The following MIR2052HG variants were observed in gnomAD, a reference collection of about 807,000 sequenced individuals.
The protein encoded by MIR2052HG is MIR2052 host gene.
At chr8:74,716,398 A>G (rs1031006595) in intron 4 of MIR2052HG, among the ~76,000 whole-genome samples, 12 of 152,296 alleles carry the variant, frequency 7.9e-5, no homozygotes, top group Middle Eastern at 6.8e-3. Flanking sequence ...GGCCTTTTAT[A>G]GAATATTATT....
chr8:74,600,840 C>T (rs937164605), intron 1 of MIR2052HG, among the ~76,000 whole-genome samples: 2 of 152,086 alleles, frequency 1.3e-5, no homozygotes, highest in African/African-American at 2.4e-5. Context: ...TCCCAAAGTG[C>T]TGGGATTACA....
intron 2 of MIR2052HG, among the ~76,000 whole-genome samples, chr8:74,629,781 G>T (rs1369037376): frequency 2.0e-5 from 3 of 152,028 alleles, no homozygotes; most frequent in Non-Finnish European, 4.4e-5. Context: ...ATATATCAAT[G>T]GTCACTCCTC....
chr8:74,688,508 GAGAAT>G (rs143745715), intron 2 of MIR2052HG, among the ~76,000 whole-genome samples: 35,258 of 151,922 alleles, frequency 0.23, 5,213 homozygotes, highest in East Asian at 0.64. Flanking sequence ...GAGGGACCAA[GAGAAT>G]GTGTACTTAT....
At chr8:74,756,256 C>T (rs1469173122) in intron 5 of MIR2052HG, among the ~76,000 whole-genome samples, 1 of 152,212 alleles carries the variant, frequency 6.6e-6, no homozygotes, top group Non-Finnish European at 1.5e-5. Context: ...AGCCCCACTC[C>T]ACTCCCCTGG....
intron 1 of MIR2052HG, among the ~76,000 whole-genome samples, chr8:74,602,872 T>TCTTTCTTTCTTTCTTTC (rs1808038741): frequency 6.7e-6 from 1 of 149,194 alleles, no homozygotes; most frequent in African/African-American, 2.5e-5. Flanking sequence ...TTTCTTTCTT[T>TCTTTCTTTCTTTCTTTC]CTTTTTTCTA....
chr8:74,728,411 A>G (rs1407061648), intron 4 of MIR2052HG, among the ~76,000 whole-genome samples: 3 of 152,218 alleles, frequency 2.0e-5, no homozygotes, highest in Admixed American at 2.0e-4. Flanking sequence ...ATTTTAGACC[A>G]GATGGCTAGT....
At chr8:74,668,192 G>A (rs1808952256) in intron 2 of MIR2052HG, among the ~76,000 whole-genome samples, 1 of 150,652 alleles carries the variant, frequency 6.6e-6, no homozygotes. Flanking sequence ...TTGCCAGAGT[G>A]CATTTTTTTC....
intron 4 of MIR2052HG, among the ~76,000 whole-genome samples, chr8:74,733,223 C>T (rs942411157): frequency 9.9e-5 from 15 of 151,982 alleles, no homozygotes; most frequent in Non-Finnish European, 2.9e-5. Flanking sequence ...TAAAGCTATC[C>T]CTCCCCGCTC....
At chr8:74,655,570 A>G (rs1355537472) in intron 2 of MIR2052HG, among the ~76,000 whole-genome samples, 1 of 152,192 alleles carries the variant, frequency 6.6e-6, no homozygotes, top group Non-Finnish European at 1.5e-5. Context: ...GAGACTGTGC[A>G]TGTGCTGAAG....
Position 74,648,377 on chromosome 8 carries a change from T to G in MIR2052HG, n.216+35437T>G, listed in dbSNP as rs1808715713. Among the ~76,000 whole-genome samples the G allele has an allele frequency of 3.3e-5, 5 of 152,326 alleles. No individual in the cohort carries two copies. The South Asian group carries it at 1.0e-3, about 32-fold the overall frequency. ...AATTCTAGTCAGAATGGTTGTCTGC[T>G]CTCGAACTCTGTTTCCTGTTAAGAT... On this transcript the variant is annotated intron_variant and non_coding_transcript_variant, in intron 2 of 6. Transcript: ENST00000523442.
intron 4 of MIR2052HG, among the ~76,000 whole-genome samples, chr8:74,706,205 G>T (rs943533719): frequency 2.6e-5 from 4 of 152,092 alleles, no homozygotes; most frequent in East Asian, 1.9e-4. Flanking sequence ...AGAACAGTGT[G>T]GGTGGGCAAT....
At chr8:74,731,150 T>C (rs1464760265) in intron 4 of MIR2052HG, among the ~76,000 whole-genome samples, 1 of 151,936 alleles carries the variant, frequency 6.6e-6, no homozygotes, top group Non-Finnish European at 1.5e-5. Flanking sequence ...ATGAATGGAG[T>C]TGTCATGATG....
At chr8:74,629,595 A>G (rs554213449) in intron 2 of MIR2052HG, among the ~76,000 whole-genome samples, 2 of 152,068 alleles carry the variant, frequency 1.3e-5, no homozygotes, top group African/African-American at 4.8e-5. Context: ...TAACTTTCAG[A>G]GAGCTTACTC....
At chr8:74,658,745 A>G (rs1447545858) in intron 2 of MIR2052HG, among the ~76,000 whole-genome samples, 2 of 152,116 alleles carry the variant, frequency 1.3e-5, no homozygotes, top group South Asian at 2.1e-4. Context: ...CTCAATAACT[A>G]TATCTTGATT....
chr8:74,722,836 G>C (rs1468506899), intron 4 of MIR2052HG, among the ~76,000 whole-genome samples: 1 of 152,188 alleles, frequency 6.6e-6, no homozygotes, highest in Non-Finnish European at 1.5e-5. Context: ...ATTTCTGAGG[G>C]TTAAGCATCT....
intron 3 of MIR2052HG, among the ~76,000 whole-genome samples, chr8:74,703,321 C>T (rs1809376131): frequency 6.6e-6 from 1 of 151,970 alleles, no homozygotes; most frequent in African/African-American, 2.4e-5. Flanking sequence ...TGCATCAGTA[C>T]CATAATAAGT....
intron 2 of MIR2052HG, among the ~76,000 whole-genome samples, chr8:74,698,875 G>A (rs974117237): frequency 5.3e-5 from 8 of 151,984 alleles, no homozygotes; most frequent in Non-Finnish European, 1.0e-4. Context: ...AAACCTGCAT[G>A]TTCTGCACAA....
chr8:74,700,238 C>T (rs1435399298), intron 2 of MIR2052HG, among the ~76,000 whole-genome samples: 2 of 152,150 alleles, frequency 1.3e-5, no homozygotes, highest in African/African-American at 2.4e-5. Context: ...TACAGAAATA[C>T]ATAAATATCT....
chr8:74,661,735 G>A (rs1808867430), intron 2 of MIR2052HG, among the ~76,000 whole-genome samples: 1 of 152,150 alleles, frequency 6.6e-6, no homozygotes, highest in Non-Finnish European at 1.5e-5. Context: ...GAAAAAGCAA[G>A]GGGAAATCGG....
Sources: gnomAD v4.1 joint callset for allele counts (sites outside exome capture counted in the v4.1 genomes callset) on GRCh38, gnomAD v4.1.1 for gene constraint, MANE v1.5 for transcripts, NCBI Gene and HGNC (gene_info 2026-07-23, HGNC 2026-07-21) for gene names.